The following CDH12 variants were observed in gnomAD, a reference collection of about 807,000 sequenced individuals.
CDH12 encodes the protein cadherin 12.
A neutral mutation model predicts 74.1 loss-of-function variants in CDH12; 41 were observed. That is an observed-to-expected ratio of 0.55 (90% CI 0.43 to 0.72). CDH12 has a LOEUF of 0.72. CDH12 is among the 30% of genes least tolerant of loss of function. The probability of loss-of-function intolerance (pLI) is 0.00; values close to 1 mark genes in which losing one functional copy is unlikely to be tolerated. For missense variants in CDH12, 945 were observed against 977.2 expected, an observed-to-expected ratio of 0.97 and a Z score of 0.44; for synonymous variants, 399 against 355.0, an observed-to-expected ratio of 1.12 and a Z score of -1.39.
chr5:22,460,322 T>C (rs1030030171), intron 2 of CDH12, among the ~76,000 whole-genome samples: 2 of 152,240 alleles, frequency 1.3e-5, no homozygotes, highest in South Asian at 2.1e-4. Flanking sequence ...GTTTATACCC[T>C]GTGACAAACA....
intron 4 of CDH12, among the ~76,000 whole-genome samples, chr5:22,092,423 G>A (rs151061200): frequency 2.2e-3 from 338 of 152,168 alleles, no homozygotes; most frequent in African/African-American, 7.5e-3. Flanking sequence ...TCAATAGAAA[G>A]ATAATACAAT....
chr5:22,498,503 G>A (rs1747197127), intron 2 of CDH12, among the ~76,000 whole-genome samples: 1 of 151,570 alleles, frequency 6.6e-6, no homozygotes, highest in South Asian at 2.1e-4. Flanking sequence ...TATAAACTAG[G>A]GATAAAATTA....
chr5:22,762,008 A>C (rs2127057194), intron 1 of CDH12, among the ~76,000 whole-genome samples: 1 of 152,194 alleles, frequency 6.6e-6, no homozygotes, highest in African/African-American at 2.4e-5. Flanking sequence ...AAGAAAGATT[A>C]TGAACTTCAA....
At chr5:22,202,855 A>G (rs1751000081) in intron 4 of CDH12, among the ~76,000 whole-genome samples, 3 of 152,238 alleles carry the variant, frequency 2.0e-5, no homozygotes, top group Admixed American at 6.5e-5. Context: ...TATTCTTGGC[A>G]CAGCATTTAG....
At chr5:22,581,646 G>A (rs751244590) in intron 1 of CDH12, among the ~76,000 whole-genome samples, 2 of 152,114 alleles carry the variant, frequency 1.3e-5, no homozygotes, top group Non-Finnish European at 2.9e-5. Context: ...GTGAGAAGAG[G>A]GCCACCATCC....
At chr5:21,812,323 C>T (rs1365524862) in intron 9 of CDH12, among the ~76,000 whole-genome samples, 1 of 151,936 alleles carries the variant, frequency 6.6e-6, no homozygotes, top group Non-Finnish European at 1.5e-5. Flanking sequence ...AATGTAATTT[C>T]TGTATGAATC....
At chr5:21,897,570 A>G (rs932257165) in intron 6 of CDH12, among the ~76,000 whole-genome samples, 2 of 152,298 alleles carry the variant, frequency 1.3e-5, no homozygotes, top group African/African-American at 4.8e-5. Context: ...ATGGACTATC[A>G]TGTGAAATTT....
rs533755478 is a variant in CDH12 at position 21,853,929 on chromosome 5, A to G, written c.646+742T>C. Among the ~76,000 whole-genome samples, 4 of 151,764 alleles carry G rather than the reference A, an allele frequency of 2.6e-5. 1 individual carries two copies. In the South Asian group the frequency reaches 8.3e-4, roughly 31 times the overall value. On this transcript the variant is annotated intron_variant, in intron 7 of 14. Coordinates refer to ENST00000382254, the MANE Select transcript of CDH12 (RefSeq NM_004061.5). ...CCATCGTTGTGGGGTTTCTGCTTCA[A>G]CTGTGACATGGAAGGCCTACTCTGA...
chr5:22,198,767 C>T (rs1316665768), intron 4 of CDH12, among the ~76,000 whole-genome samples: 2 of 151,986 alleles, frequency 1.3e-5, no homozygotes, highest in African/African-American at 2.4e-5. Flanking sequence ...CTGAATTTTC[C>T]TTTCGGAATG....
chr5:21,762,301 C>T (rs1428948284), intron 12 of CDH12, among the ~76,000 whole-genome samples: 3 of 152,064 alleles, frequency 2.0e-5, no homozygotes, highest in Non-Finnish European at 2.9e-5. Flanking sequence ...CTGAGGAAAA[C>T]AACTACCATC....
At chr5:22,248,371 A>C in intron 3 of CDH12, among the ~76,000 whole-genome samples, 1 of 152,104 alleles carries the variant, frequency 6.6e-6, no homozygotes, top group East Asian at 1.9e-4. Context: ...TTTAATTATT[A>C]ATATTTTACA....
At chr5:21,952,211 G>A (rs972098750) in intron 6 of CDH12, among the ~76,000 whole-genome samples, 3 of 152,164 alleles carry the variant, frequency 2.0e-5, no homozygotes, top group African/African-American at 7.2e-5. Context: ...GCAGTTGAGA[G>A]TCCCTGGGAC....
intron 9 of CDH12, among the ~76,000 whole-genome samples, chr5:21,815,429 G>A (rs1320066719): frequency 1.3e-5 from 2 of 152,066 alleles, no homozygotes; most frequent in East Asian, 3.9e-4. Context: ...GAAAAAATGT[G>A]CACACCTTAA....
At chr5:22,250,421 G>T (rs893522599) in intron 3 of CDH12, among the ~76,000 whole-genome samples, 2 of 152,150 alleles carry the variant, frequency 1.3e-5, no homozygotes, top group Non-Finnish European at 2.9e-5. Context: ...AGCTGGGGCT[G>T]TGATCAGAAT....
chr5:22,781,560 C>T (rs998251722), intron 1 of CDH12, among the ~76,000 whole-genome samples: 2 of 152,240 alleles, frequency 1.3e-5, no homozygotes, highest in East Asian at 1.9e-4. Flanking sequence ...CATTTTAGTT[C>T]CAACCTAGAA....
At chr5:22,816,395 C>G (rs1392306255) in intron 1 of CDH12, among the ~76,000 whole-genome samples, 2 of 152,082 alleles carry the variant, frequency 1.3e-5, no homozygotes, top group Non-Finnish European at 2.9e-5. Context: ...TCCTGCATCT[C>G]TATAATATAT....
At position 22,475,183 on chromosome 5, in the gene CDH12, A is replaced by G. The variant is rs1746118560; in HGVS notation, c.-428+30087T>C. 3.3e-5 allele frequency among the ~76,000 whole-genome samples: 5 copies of G among 151,578 alleles called. No homozygotes were observed. The South Asian group carries it at 1.0e-3, about 32-fold the overall frequency. On this transcript the variant is annotated intron_variant, in intron 2 of 14. Transcript: ENST00000382254. ...TTGAATCTCAAAGTCATATTGTCCA[A>G]ATGGATGGCCCCAAAATGCTTATAG...
chr5:22,204,236 G>A (rs1022523395), intron 4 of CDH12, among the ~76,000 whole-genome samples: 11 of 150,946 alleles, frequency 7.3e-5, no homozygotes, highest in Non-Finnish European at 1.3e-4. Flanking sequence ...GCAGTGGTGC[G>A]ATCTCAGCTC....
intron 3 of CDH12, among the ~76,000 whole-genome samples, chr5:22,363,630 C>T (rs998264168): frequency 6.6e-6 from 1 of 152,084 alleles, no homozygotes; most frequent in African/African-American, 2.4e-5. Flanking sequence ...GGAAAGCTGA[C>T]AGATAACAGT....
Sources: allele counts gnomAD v4.1 joint callset (sites outside exome capture counted in the v4.1 genomes callset), GRCh38; gene constraint gnomAD v4.1.1; transcripts MANE v1.5; gene names NCBI Gene and HGNC (gene_info 2026-07-23, HGNC 2026-07-21).